The following MTUS2 variants were observed in gnomAD, a reference collection of about 807,000 sequenced individuals.
MTUS2 encodes microtubule-associated tumor suppressor candidate 2.
Under a neutral mutation model 114.1 loss-of-function variants are expected in MTUS2, and 40 were observed. The ratio of observed to expected loss-of-function variants is 0.35; its 90% CI spans 0.27 to 0.46. The LOEUF is 0.46. Among genes scored for constraint, MTUS2 ranks in the 20% least tolerant of loss-of-function variants. The pLI, the probability that MTUS2 is intolerant of heterozygous loss-of-function variation, is 1.00. For missense variants in MTUS2, 1,679 were observed against 1,705.4 expected (o/e 0.98, Z 0.27); for synonymous variants, 688 against 672.0 (o/e 1.02, Z -0.37).
At chr13:29,238,589 G>C (rs542168874) in intron 5 of MTUS2, among the ~76,000 whole-genome samples, 240 of 152,344 alleles carry the variant, frequency 1.6e-3, no homozygotes, top group African/African-American at 5.4e-3. Flanking sequence ...CTGGAAGACT[G>C]AGCAAGTCTG....
chr13:29,061,119 A>G (rs1413091898), intron 4 of MTUS2, among the ~76,000 whole-genome samples: 1 of 151,964 alleles, frequency 6.6e-6, no homozygotes, highest in Admixed American at 6.6e-5. Flanking sequence ...AGTAATTTTG[A>G]TTGGATGTTG....
intron 2 of MTUS2, among the ~76,000 whole-genome samples, chr13:28,891,744 G>A (rs1878935523): frequency 6.6e-6 from 1 of 151,330 alleles, no homozygotes; most frequent in South Asian, 2.1e-4. Context: ...TGGTTGTGCT[G>A]GTGCGTGCCT....
intron 8 of MTUS2, among the ~76,000 whole-genome samples, chr13:29,434,696 C>T (rs1057298166): frequency 3.3e-5 from 5 of 152,172 alleles, no homozygotes; most frequent in African/African-American, 7.2e-5. Context: ...GTTTTCACTT[C>T]CCATTACCAC....
chr13:29,101,695 T>A (rs747424205), intron 5 of MTUS2, among the ~76,000 whole-genome samples: 1 of 152,216 alleles, frequency 6.6e-6, no homozygotes, highest in Non-Finnish European at 1.5e-5. Flanking sequence ...AACCATGACA[T>A]CTCAGATGTT....
intron 5 of MTUS2, among the ~76,000 whole-genome samples, chr13:29,178,694 A>T (rs7329581): frequency 0.84 from 128,111 of 151,772 alleles, 54,321 homozygotes; most frequent in Middle Eastern, 0.9. Context: ...AAAAAAAAAA[A>T]TTTTTTTCTC....
chr13:29,132,394 C>G (rs560684957), intron 5 of MTUS2, among the ~76,000 whole-genome samples: 9 of 152,284 alleles, frequency 5.9e-5, no homozygotes, highest in South Asian at 2.1e-4. Flanking sequence ...AATTTGGCAT[C>G]TTAACGATGA....
At chr13:28,927,045 T>A (rs1245327704) in intron 2 of MTUS2, among the ~76,000 whole-genome samples, 1 of 152,210 alleles carries the variant, frequency 6.6e-6, no homozygotes, top group Non-Finnish European at 1.5e-5. Flanking sequence ...TAGCACAGCA[T>A]CAAGATTTTG....
intron 5 of MTUS2, among the ~76,000 whole-genome samples, chr13:29,162,312 C>T (rs1055255909): frequency 1.3e-5 from 2 of 152,130 alleles, no homozygotes; most frequent in Non-Finnish European, 2.9e-5. Context: ...AGTGTACATA[C>T]TCTATTAATT....
chr13:29,197,185 C>T (rs1894738169), intron 5 of MTUS2, among the ~76,000 whole-genome samples: 1 of 152,130 alleles, frequency 6.6e-6, no homozygotes, highest in African/African-American at 2.4e-5. Context: ...TCCCTCCATT[C>T]GTTAGGTATT....
rs1222895864 is a variant in MTUS2, at chr13:29,480,133, T to C, written c.3185-17T>C. 1 of 1,551,490 alleles carries C rather than the reference T, an allele frequency of 6.4e-7. No individual in the cohort carries two copies. The highest frequency in any genetic ancestry group is 1.4e-5 in the African/African-American group (1 of 73,048). ...TACGGCCATTTTTTAAAGAAAGATC[T>C]TGTGCTTTGCGCCCAGCCTTCCATA... is the stretch of plus-strand genomic sequence containing the variant. On this transcript the variant is annotated splice_polypyrimidine_tract_variant and intron_variant, in intron 9 of 15. Transcript: ENST00000612955. This position sits in a 1 kb window ranked among gnomAD's most constrained non-coding sequence, Gnocchi z 4.4.
chr13:29,333,689 G>A (rs1288566646), intron 7 of MTUS2, among the ~76,000 whole-genome samples: 1 of 152,182 alleles, frequency 6.6e-6, no homozygotes, highest in East Asian at 1.9e-4. Context: ...GAGTTCTGTA[G>A]ATGACTATTA....
intron 2 of MTUS2, among the ~76,000 whole-genome samples, chr13:28,981,544 G>A (rs1593353660): frequency 6.6e-6 from 1 of 152,236 alleles, no homozygotes; most frequent in Non-Finnish European, 1.5e-5. Context: ...AGTACATTTC[G>A]CTGCATGTAA....
chr13:29,177,729 G>A (rs1455653065), intron 5 of MTUS2, among the ~76,000 whole-genome samples: 1 of 152,138 alleles, frequency 6.6e-6, no homozygotes, highest in East Asian at 1.9e-4. Flanking sequence ...CCACAGACTG[G>A]AATAGGTCTT....
intron 5 of MTUS2, among the ~76,000 whole-genome samples, chr13:29,197,235 G>C (rs1463132592): frequency 6.6e-6 from 1 of 151,822 alleles, no homozygotes; most frequent in Non-Finnish European, 1.5e-5. Flanking sequence ...CCATCCCCTG[G>C]ACAGGCCCCA....
intron 11 of MTUS2, among the ~76,000 whole-genome samples, chr13:29,490,785 G>A (rs1464012335): frequency 2.0e-5 from 3 of 152,292 alleles, no homozygotes; most frequent in East Asian, 1.9e-4. Context: ...ATGGCTGCTC[G>A]CAGCTCCGCT....
intron 5 of MTUS2, among the ~76,000 whole-genome samples, chr13:29,194,336 A>T (rs1289899107): frequency 6.8e-6 from 1 of 147,986 alleles, no homozygotes; most frequent in Non-Finnish European, 1.5e-5. Context: ...AATTTTCGCA[A>T]CCTACTCATC....
chr13:29,499,266 C>T (rs551258735), intron 14 of MTUS2, among the ~76,000 whole-genome samples: 3 of 152,152 alleles, frequency 2.0e-5, no homozygotes, highest in Non-Finnish European at 4.4e-5. Context: ...CTAGGGGGCA[C>T]AGAACACCCA....
chr13:28,843,254 T>G (rs569329655), intron 2 of MTUS2, among the ~76,000 whole-genome samples: 6 of 152,292 alleles, frequency 3.9e-5, no homozygotes, highest in African/African-American at 1.4e-4. Context: ...ACCTGAGAGA[T>G]TCCTGAAGGT....
At chr13:29,456,353 C>T (rs1879109394) in intron 9 of MTUS2, among the ~76,000 whole-genome samples, 1 of 152,140 alleles carries the variant, frequency 6.6e-6, no homozygotes, top group African/African-American at 2.4e-5. Context: ...TCCCAGTGAT[C>T]TGTGGGACTA....
Sources: allele counts gnomAD v4.1 joint callset (sites outside exome capture counted in the v4.1 genomes callset), GRCh38; gene constraint gnomAD v4.1.1; non-coding constraint Gnocchi (gnomAD v3.1); transcripts MANE v1.5; gene names NCBI Gene and HGNC (gene_info 2026-07-23, HGNC 2026-07-21).